NXPH1: variants seen among roughly 807,000 people sequenced by gnomAD.
The protein encoded by NXPH1 is neurexophilin-1.
NXPH1 carries 5 observed loss-of-function variants against 23.7 expected under a neutral mutation model. The ratio of observed to expected loss-of-function variants is 0.21; its 90% CI spans 0.11 to 0.44. The LOEUF is 0.44. Ranked by LOEUF, NXPH1 falls within the 20% of genes least tolerant of loss-of-function variation. The pLI is 0.99. For synonymous variants in NXPH1, 144 were observed against 122.2 expected (o/e 1.18, Z -1.18); for missense variants, 324 against 321.6 (o/e 1.01, Z -0.06).
chr7:8,533,950 C>T (rs946991397), intron 2 of NXPH1, among the ~76,000 whole-genome samples: 1 of 142,784 alleles, frequency 7.0e-6, no homozygotes, highest in African/African-American at 2.5e-5. Flanking sequence ...CTAGGGTGAT[C>T]AGAGGACTAA....
chr7:8,705,909 T>C (rs1385867486), intron 2 of NXPH1, among the ~76,000 whole-genome samples: 2 of 152,200 alleles, frequency 1.3e-5, no homozygotes, highest in African/African-American at 4.8e-5. Context: ...CACATTTCTT[T>C]GTTGCTCCAC....
At chr7:8,695,239 T>G (rs1342435665) in intron 2 of NXPH1, among the ~76,000 whole-genome samples, 1 of 152,204 alleles carries the variant, frequency 6.6e-6, no homozygotes, top group Non-Finnish European at 1.5e-5. Context: ...CTTTGAAGTT[T>G]ACTGTCTCAT....
intron 2 of NXPH1, among the ~76,000 whole-genome samples, chr7:8,713,077 T>TAGGCTTTCTATTTTCTACAA (rs1779821769): frequency 6.6e-6 from 1 of 152,152 alleles, no homozygotes; most frequent in Non-Finnish European, 1.5e-5. Flanking sequence ...ATTTTCTAGA[T>TAGGCTTTCTATTTTCTACAA]AGGCTTTCTA....
At chr7:8,537,180 A>G (rs996967687) in intron 2 of NXPH1, among the ~76,000 whole-genome samples, 1 of 151,912 alleles carries the variant, frequency 6.6e-6, no homozygotes, top group African/African-American at 2.4e-5. Flanking sequence ...GAACGGATGG[A>G]TGATGACAGG....
intron 2 of NXPH1, among the ~76,000 whole-genome samples, chr7:8,652,005 C>G (rs899312682): frequency 9.2e-5 from 14 of 152,106 alleles, no homozygotes; most frequent in African/African-American, 3.4e-4. Flanking sequence ...CACCTCCACC[C>G]TATTTTCTGC....
chr7:8,499,245 T>G (rs1425785277), intron 2 of NXPH1, among the ~76,000 whole-genome samples: 1 of 152,068 alleles, frequency 6.6e-6, no homozygotes, highest in Non-Finnish European at 1.5e-5. Context: ...AACAGTTTGT[T>G]TGAGCATAAG....
intron 2 of NXPH1, among the ~76,000 whole-genome samples, chr7:8,630,351 G>A (rs180989040): frequency 1.1e-3 from 166 of 152,188 alleles, no homozygotes; most frequent in African/African-American, 3.8e-3. Context: ...CTATTCTCAA[G>A]ATATTTAATG....
chr7:8,637,946 C>T (rs1306655927), intron 2 of NXPH1, among the ~76,000 whole-genome samples: 1 of 152,066 alleles, frequency 6.6e-6, no homozygotes, highest in African/African-American at 2.4e-5. Flanking sequence ...TGAGCCCATA[C>T]CTGGAATAGG....
intron 2 of NXPH1, among the ~76,000 whole-genome samples, chr7:8,594,707 A>G (rs968750147): frequency 2.6e-5 from 4 of 151,994 alleles, no homozygotes; most frequent in African/African-American, 9.7e-5. Context: ...GTGGCAAGTT[A>G]TATTTCTTTG....
intron 2 of NXPH1, among the ~76,000 whole-genome samples, chr7:8,466,581 G>A (rs988164057): frequency 2.0e-5 from 3 of 152,078 alleles, no homozygotes; most frequent in Admixed American, 6.6e-5. Flanking sequence ...ATAAAGACTC[G>A]AAGGGACATT....
intron 2 of NXPH1, among the ~76,000 whole-genome samples, chr7:8,567,697 CA>C (rs1430361642): frequency 6.6e-6 from 1 of 151,842 alleles, no homozygotes; most frequent in African/African-American, 2.4e-5. Flanking sequence ...CTGAAGCCTG[CA>C]TATTTCTCTG....
At chr7:8,480,881 T>G (rs1817061806) in intron 2 of NXPH1, among the ~76,000 whole-genome samples, 1 of 152,172 alleles carries the variant, frequency 6.6e-6, no homozygotes, top group African/African-American at 2.4e-5. Context: ...GTCCACACAT[T>G]TAGTTGTTGT....
chr7:8,625,523 A>G (rs1231949458), intron 2 of NXPH1, among the ~76,000 whole-genome samples: 2 of 152,182 alleles, frequency 1.3e-5, no homozygotes, highest in African/African-American at 4.8e-5. Context: ...CAAAGCTCTC[A>G]GTGACTAAAA....
At chr7:8,706,894 G>A (rs1395927302) in intron 2 of NXPH1, among the ~76,000 whole-genome samples, 1 of 152,136 alleles carries the variant, frequency 6.6e-6, no homozygotes, top group Non-Finnish European at 1.5e-5. Flanking sequence ...TTTTTGAGAT[G>A]CAGAATGGTG....
intron 2 of NXPH1, among the ~76,000 whole-genome samples, chr7:8,634,444 A>G (rs1820184544): frequency 6.6e-6 from 1 of 152,154 alleles, no homozygotes; most frequent in Admixed American, 6.6e-5. Context: ...TTTACTTTGT[A>G]AATTACCTAG....
At chr7:8,592,916 A>C (rs1819131196) in intron 2 of NXPH1, among the ~76,000 whole-genome samples, 1 of 151,560 alleles carries the variant, frequency 6.6e-6, no homozygotes, top group African/African-American at 2.4e-5. Context: ...ACTGGGCAGC[A>C]TTTGGCCCAG....
intron 2 of NXPH1, among the ~76,000 whole-genome samples, chr7:8,549,667 CT>C (rs1818249419): frequency 6.6e-6 from 1 of 151,504 alleles, no homozygotes; most frequent in African/African-American, 2.4e-5. Flanking sequence ...AGAGAGTACA[CT>C]GCCTTATAAT....
intron 2 of NXPH1, among the ~76,000 whole-genome samples, chr7:8,538,644 C>A (rs1413321792): frequency 6.6e-6 from 1 of 151,926 alleles, no homozygotes; most frequent in East Asian, 1.9e-4. Flanking sequence ...CCCCCACGTG[C>A]TAAGTGGCAG....
chr7:8,682,883 A>G (rs1043932049), intron 2 of NXPH1, among the ~76,000 whole-genome samples: 2 of 152,256 alleles, frequency 1.3e-5, no homozygotes, highest in African/African-American at 4.8e-5. Context: ...TCAAGAGAAG[A>G]TGAATTTACC....
Sources: gnomAD v4.1 joint callset for allele counts (sites outside exome capture counted in the v4.1 genomes callset) on GRCh38, gnomAD v4.1.1 for gene constraint, MANE v1.5 for transcripts, NCBI Gene and HGNC (gene_info 2026-07-23, HGNC 2026-07-21) for gene names.